ITCH: variants seen among roughly 807,000 people sequenced by gnomAD.
ITCH encodes itchy E3 ubiquitin protein ligase.
ITCH carries 28 observed loss-of-function variants against 126.8 expected under a neutral mutation model. The ratio of observed to expected loss-of-function variants is 0.22; its 90% CI spans 0.16 to 0.30. The LOEUF (loss-of-function observed/expected upper bound fraction) is 0.30. ITCH is among the 10% of genes least tolerant of loss of function. ITCH has a pLI of 1.00. For synonymous variants in ITCH, 342 were observed against 340.0 expected, an observed-to-expected ratio of 1.01 and a Z score of -0.06; for missense variants, 631 against 1,032.4, an observed-to-expected ratio of 0.61 and a Z score of 5.33.
intron 2 of ITCH, among the ~76,000 whole-genome samples, chr20:34,378,144 T>A (rs2037915747): frequency 1.3e-5 from 2 of 152,034 alleles, no homozygotes; most frequent in African/African-American, 4.8e-5. Flanking sequence ...TTAGGTATAG[T>A]CTGAGTATTA....
chr20:34,414,407 G>C (rs2146177230), intron 6 of ITCH, among the ~76,000 whole-genome samples: 1 of 121,726 alleles, frequency 8.2e-6, no homozygotes, highest in Admixed American at 1.0e-4. Context: ...GGCAGACAGA[G>C]TTTATTGTCT....
intron 2 of ITCH, among the ~76,000 whole-genome samples, chr20:34,375,764 G>A (rs920351172): frequency 8.8e-6 from 1 of 113,678 alleles, no homozygotes; most frequent in South Asian, 2.8e-4. Flanking sequence ...TATAATCCCA[G>A]CACTTTGGGA....
chr20:34,373,587 G>T (rs1364328560), intron 2 of ITCH, among the ~76,000 whole-genome samples: 2 of 152,108 alleles, frequency 1.3e-5, no homozygotes, highest in Non-Finnish European at 2.9e-5. Context: ...TGTATTTTAA[G>T]TGCTGCTGTA....
chr20:34,499,100 G>A lies in ITCH; in HGVS notation c.2417-5231G>A, dbSNP rs377637864. Among the ~76,000 whole-genome samples, 78 of 150,726 alleles carry A rather than the reference G, an allele frequency of 5.2e-4. 1 individual carries two copies. In the South Asian group the frequency reaches 0.016, roughly 30 times the overall value. ...CACCATTCTCCTGCCTCAGCCTCCC[G>A]AGTAACTGGGACTACAGGCGCCTGC... On this transcript the variant is annotated intron_variant, in intron 23 of 24. Transcript: ENST00000374864.
At chr20:34,411,897 A>G (rs983110437) in intron 4 of ITCH, among the ~76,000 whole-genome samples, 4 of 152,328 alleles carry the variant, frequency 2.6e-5, no homozygotes, top group East Asian at 3.9e-4. Context: ...GAGTGAGTCT[A>G]TATTTGATAG....
chr20:34,455,872 C>A (rs1985852142), intron 12 of ITCH, among the ~76,000 whole-genome samples: 1 of 151,650 alleles, frequency 6.6e-6, no homozygotes, highest in Non-Finnish European at 1.5e-5. Flanking sequence ...AATCCTAAAG[C>A]AAGAGGCAGT....
At chr20:34,442,166 C>G (rs760333644) in intron 9 of ITCH, 42 bp from the exon 10 acceptor site, 5 of 1,434,986 alleles carry the variant, frequency 3.5e-6, no homozygotes, top group Non-Finnish European at 4.9e-6. Context: ...AGCCAGGTAA[C>G]TCATGCAAGT....
intron 17 of ITCH, 107 bp from the exon 18 acceptor site, chr20:34,479,523 A>G: frequency 2.4e-6 from 2 of 848,512 alleles, no homozygotes; most frequent in East Asian, 5.1e-5. Flanking sequence ...AGATTAGAAA[A>G]CTATCACTAG....
rs1465591626 is a variant in ITCH at position 34,442,100 on chromosome 20, T to TA, written c.870-107dup. 3.9e-6 allele frequency: 3 copies of TA among 778,720 alleles called. No individual in the cohort carries two copies. The African/African-American group carries it at 5.1e-5, about 13-fold the overall frequency. The allele number at this position is 778,720 out of a possible 1,614,324, so 48.2% of individuals were successfully genotyped here. On this transcript the variant is annotated intron_variant, in intron 9 of 24. Transcript: ENST00000374864. ...TATCATCTTTCTAAACTGATGTCCTTATTTGCCTTAGTTCAATAATGGTCA... is the reference window on the plus strand; with the variant it reads ...TATCATCTTTCTAAACTGATGTCCTTAATTTGCCTTAGTTCAATAATGGTCA...
Position 34,449,490 on chromosome 20 carries a change from A to C in ITCH, c.1210+10A>C, listed in dbSNP as rs752247375. On this transcript the variant is annotated intron_variant, in intron 12 of 24. Coordinates refer to ENST00000374864, the MANE Select transcript of ITCH (RefSeq NM_031483.7). The stretch of plus-strand genomic sequence containing the variant: ...TTGCCACCTGGATGGGGTAAGTCAC[A>C]TGAGTTTCTTCATGGAGTTCTGTCA... 10 of 1,564,486 alleles carry C rather than the reference A, an allele frequency of 6.4e-6. No individual in the cohort carries two copies. The South Asian group carries it at 1.1e-4, about 17-fold the overall frequency.
chr20:34,447,535 G>A (rs576840699), intron 11 of ITCH, among the ~76,000 whole-genome samples: 2 of 152,176 alleles, frequency 1.3e-5, no homozygotes, highest in Non-Finnish European at 2.9e-5. Flanking sequence ...ATGGTTGACA[G>A]TAAAACACTG....
At chr20:34,407,153 C>T (rs751044928) in intron 3 of ITCH, among the ~76,000 whole-genome samples, 1 of 151,866 alleles carries the variant, frequency 6.6e-6, no homozygotes, top group Admixed American at 6.6e-5. Flanking sequence ...TCTCAAGATG[C>T]ACAACATAGG....
At chr20:34,410,171 C>T (rs911466742) in intron 4 of ITCH, among the ~76,000 whole-genome samples, 1 of 151,894 alleles carries the variant, frequency 6.6e-6, no homozygotes, top group African/African-American at 2.4e-5. Flanking sequence ...AGTTCGAGAC[C>T]AGCCTGACCA....
intron 22 of ITCH, among the ~76,000 whole-genome samples, chr20:34,490,713 A>G (rs1001510977): frequency 6.6e-6 from 1 of 152,214 alleles, no homozygotes; most frequent in Non-Finnish European, 1.5e-5. Context: ...AAGAACAACC[A>G]TTGCCAAGGG....
In ITCH at chr20:34,504,365, A is replaced by C. The variant is rs761631321; in HGVS notation, c.2451A>C (p.Lys817Asn). Reference sequence around the variant, plus strand: ...GACCACAGAAATTCTGCATTGAAAAAGTTGGGAAAGAAAATTGGCTACCCA... The same window carrying C: ...GACCACAGAAATTCTGCATTGAAAACGTTGGGAAAGAAAATTGGCTACCCA... ...SNGPQKFCIE[K>N]VGKENWLPRS... is the part of the protein sequence containing the mutation. The change falls in exon 24 of 25, where the codon AAA (lysine) becomes AAC (asparagine). Residue 817 changes from lysine to asparagine, a missense_variant. Physicochemically the swap from Lys to Asn is moderately conservative, Grantham distance 94 (BLOSUM62 0). Transcript: ENST00000374864. 2.0e-5 allele frequency: 32 copies of C among 1,613,496 alleles called. No individual in the cohort carries two copies. The highest frequency in any genetic ancestry group is 2.5e-5 in the Non-Finnish European group (30 of 1,179,526).
At chr20:34,373,025 A>G (rs949502360) in intron 2 of ITCH, among the ~76,000 whole-genome samples, 3 of 141,424 alleles carry the variant, frequency 2.1e-5, no homozygotes, top group African/African-American at 8.1e-5. Flanking sequence ...CCGAGGCTGG[A>G]GTGCAATGGT....
intron 20 of ITCH, among the ~76,000 whole-genome samples, chr20:34,482,637 C>A (rs112694890): frequency 2.2e-3 from 334 of 152,348 alleles, no homozygotes; most frequent in African/African-American, 6.3e-3. Flanking sequence ...GTATAGCCCC[C>A]CACCGGCTGC....
intron 6 of ITCH, among the ~76,000 whole-genome samples, chr20:34,415,361 C>A (rs1181489117): frequency 6.6e-6 from 1 of 151,470 alleles, no homozygotes; most frequent in Non-Finnish European, 1.5e-5. Context: ...GAGTTCGAGA[C>A]CAGCCTAGGC....
intron 2 of ITCH, among the ~76,000 whole-genome samples, chr20:34,382,891 G>A (rs1000183992): frequency 1.3e-5 from 2 of 151,244 alleles, no homozygotes; most frequent in East Asian, 2.0e-4. Context: ...TTACAGGCAC[G>A]CACCGCCACG....
Sources: allele counts gnomAD v4.1 joint callset (sites outside exome capture counted in the v4.1 genomes callset), GRCh38; gene constraint gnomAD v4.1.1; transcripts MANE v1.5; gene names NCBI Gene and HGNC (gene_info 2026-07-23, HGNC 2026-07-21).